DOCK1: variants seen among roughly 807,000 people sequenced by gnomAD.
DOCK1 encodes dedicator of cytokinesis 1.
In DOCK1, 138 loss-of-function variants were observed where a neutral mutation model predicts 262.7. That is an observed-to-expected ratio of 0.53 (90% CI 0.46 to 0.61). The LOEUF (loss-of-function observed/expected upper bound fraction) is 0.61, where lower values mean the gene tolerates loss of function less well. DOCK1 is among the 20% of genes least tolerant of loss of function. DOCK1 has a pLI of 0.00. For missense variants in DOCK1, 1,908 were observed against 2,370.7 expected (o/e 0.80, Z 4.05); for synonymous variants, 866 against 867.4 (o/e 1.00, Z 0.03).
intron 23 of DOCK1, among the ~76,000 whole-genome samples, chr10:127,094,434 C>A (rs1209437766): frequency 6.6e-6 from 1 of 152,102 alleles, no homozygotes; most frequent in Non-Finnish European, 1.5e-5. Flanking sequence ...TTTTGCTCTA[C>A]CCCAAAGCCT....
chr10:126,964,709 G>GT (rs2037528498), intron 1 of DOCK1, among the ~76,000 whole-genome samples: 1 of 152,248 alleles, frequency 6.6e-6, no homozygotes, highest in Non-Finnish European at 1.5e-5. Flanking sequence ...ATTTCAAGGA[G>GT]TAACGTATGG....
At chr10:127,439,287 C>T (rs2069913174) in intron 49 of DOCK1, 62 bp downstream of exon 49, 2 of 1,527,966 alleles carry the variant, frequency 1.3e-6, no homozygotes, top group African/African-American at 1.4e-5. Flanking sequence ...CTTTGCCCCA[C>T]CTGTAGCCAA....
In DOCK1 at chr10:127,025,116, G is replaced by A. The variant is rs372551495; in HGVS notation, c.1551+333G>A. ...CAAAAAAACCGAGCTGCCAGCCTGT[G>A]GAGGTCATTGCTGGGGAGTGGGATC... On this transcript the variant is annotated intron_variant, in intron 15 of 51. Coordinates refer to ENST00000623213, the MANE Select transcript of DOCK1 (RefSeq NM_001290223.2). The A allele has an allele frequency of 2.3e-4, 42 of 179,484 alleles. No individual in the cohort carries two copies. The East Asian group carries it at 4.0e-3, about 17-fold the overall frequency. The allele number at this position is 179,484 out of a possible 1,614,324, so 11.1% of individuals were successfully genotyped here.
At chr10:127,250,083 T>G (rs1590119234) in intron 28 of DOCK1, among the ~76,000 whole-genome samples, 1 of 152,306 alleles carries the variant, frequency 6.6e-6, no homozygotes, top group East Asian at 1.9e-4. Flanking sequence ...GTGTAAAGCA[T>G]AGTTGTAGCT....
chr10:127,259,056 T>C (rs912718025), intron 29 of DOCK1, among the ~76,000 whole-genome samples: 2 of 152,112 alleles, frequency 1.3e-5, no homozygotes, highest in African/African-American at 4.8e-5. Context: ...GAGGGAGTGA[T>C]GTTCACCCCG....
At chr10:127,381,242 A>C in intron 36 of DOCK1, 36 bp from the exon 37 acceptor site, 1 of 1,558,672 alleles carries the variant, frequency 6.4e-7, no homozygotes, top group Non-Finnish European at 8.7e-7. Context: ...TTATTTAGTG[A>C]CATTTTAAGA....
intron 43 of DOCK1, 89 bp downstream of exon 43, chr10:127,411,013 G>C: frequency 7.9e-7 from 1 of 1,269,802 alleles, no homozygotes; most frequent in Non-Finnish European, 1.1e-6. Context: ...TGGCCTCAGA[G>C]GCAGCCACGG....
At chr10:126,936,959 T>G (rs1379417728) in intron 1 of DOCK1, among the ~76,000 whole-genome samples, 1 of 152,120 alleles carries the variant, frequency 6.6e-6, no homozygotes, top group East Asian at 1.9e-4. Context: ...TTCCCCCTCT[T>G]CCTAGCCTCT....
intron 38 of DOCK1, among the ~76,000 whole-genome samples, chr10:127,394,833 C>T (rs77579198): frequency 0.027 from 4,077 of 152,166 alleles, 174 homozygotes; most frequent in African/African-American, 0.093. Context: ...AGGCCCACCT[C>T]GAGGCGATTC....
At chr10:127,237,800 T>C (rs1368865349) in intron 27 of DOCK1, among the ~76,000 whole-genome samples, 2 of 152,234 alleles carry the variant, frequency 1.3e-5, no homozygotes, top group African/African-American at 2.4e-5. Flanking sequence ...CTCCCTTTTA[T>C]AATATTTGTA....
Position 127,447,543 on chromosome 10 carries a change from A to G in DOCK1, c.5563A>G (p.Arg1855Gly), listed in dbSNP as rs778979577. 6.2e-7 allele frequency: 1 copy of G among 1,613,624 alleles called. No homozygotes were observed. The highest frequency in any genetic ancestry group is 2.2e-5 in the East Asian group (1 of 44,854). Residue 1855 changes from arginine to glycine, a missense_variant and splice_region_variant, in exon 51 of 52, where the codon AGG (arginine) becomes GGG (glycine). Physicochemically the swap from Arg to Gly is moderately radical, Grantham distance 125 (BLOSUM62 -2). Around this residue, in one of 9 missense-constraint regions of DOCK1, gnomAD observed 383 missense variants for 420.1 expected, o/e 0.91. Transcript: ENST00000623213. ...PTPPPPPPHQ[R>G]HLPPPLPSKT... is the part of the protein sequence containing the mutation. ...ACCTCCACCTCCCCCTCCACACCAG[A>G]GGGTAAGTCGGCAATCTGAAACACA...
Position 127,428,900 on chromosome 10 carries a change from G to C in DOCK1, c.4914+2889G>C, listed in dbSNP as rs554281463. 3.2e-5 allele frequency among the ~76,000 whole-genome samples: 4 copies of C among 123,524 alleles called. No individual in the cohort carries two copies. In the South Asian group the frequency reaches 1.1e-3, roughly 34 times the overall value. 81.0% of individuals were successfully genotyped at this position (123,524 alleles called of 152,430 possible). On this transcript the variant is annotated intron_variant, in intron 47 of 51. Transcript: ENST00000623213. The stretch of plus-strand genomic sequence containing the variant: ...GCCATGTGGATTGGGGTACCGTGTG[G>C]ATTGAGCCGTGTGGATTGGGGTACC...
intron 29 of DOCK1, among the ~76,000 whole-genome samples, chr10:127,300,023 T>C (rs2061630217): frequency 6.6e-6 from 1 of 152,164 alleles, no homozygotes; most frequent in Non-Finnish European, 1.5e-5. Context: ...AGCCTTCCCA[T>C]GTGAGTTCTG....
At chr10:127,090,574 A>G (rs758809883) in intron 23 of DOCK1, among the ~76,000 whole-genome samples, 2 of 152,036 alleles carry the variant, frequency 1.3e-5, no homozygotes, top group African/African-American at 2.4e-5. Context: ...CATGGGGTAC[A>G]TTTACAGTAC....
chr10:127,164,201 T>G (rs1321831660), intron 27 of DOCK1, among the ~76,000 whole-genome samples: 2 of 80,886 alleles, frequency 2.5e-5, no homozygotes, highest in Non-Finnish European at 4.4e-5. Flanking sequence ...TTTTTTTTTT[T>G]GAGACAGAGT....
Position 127,444,152 on chromosome 10 carries a change from G to C in DOCK1, c.5286G>C (p.Pro1762=), listed in dbSNP as rs35124691. The C allele has an allele frequency of 3.2e-6, 5 of 1,578,936 alleles. No homozygotes were observed. The African/African-American group carries it at 6.8e-5, about 21-fold the overall frequency. ...ETISPLRPQR[P]KSQVMNVIGS... ...TAAGTCCCCTGCGGCCCCAGAGACCGAAGAGCCAGGTGATGAACGTCATTG... is the reference window on the plus strand; with the variant it reads ...TAAGTCCCCTGCGGCCCCAGAGACCCAAGAGCCAGGTGATGAACGTCATTG... Residue 1762 remains proline, a synonymous_variant, in exon 50 of 52, where the codon CCG becomes CCC. Coordinates refer to ENST00000623213, the MANE Select transcript of DOCK1 (RefSeq NM_001290223.2).
intron 23 of DOCK1, among the ~76,000 whole-genome samples, chr10:127,090,463 C>T (rs2047451533): frequency 6.8e-6 from 1 of 147,934 alleles, no homozygotes. Flanking sequence ...GAGAATGGGA[C>T]TTTTTTTTTT....
At chr10:127,406,957 T>C (rs1043781642) in intron 40 of DOCK1, among the ~76,000 whole-genome samples, 7 of 152,242 alleles carry the variant, frequency 4.6e-5, no homozygotes, top group East Asian at 1.9e-4. Flanking sequence ...TGGCTTTATA[T>C]AGAAGCCTTA....
intron 24 of DOCK1, among the ~76,000 whole-genome samples, 171 bp from the exon 25 acceptor site, chr10:127,110,062 GAAAACGAACACTTTC>G: frequency 6.6e-6 from 1 of 152,228 alleles, no homozygotes; most frequent in South Asian, 2.1e-4. Flanking sequence ...ATTGTGAAGT[GAAAACGAACACTTTC>G]AAAACATCAT....
Sources: allele counts gnomAD v4.1 joint callset (sites outside exome capture counted in the v4.1 genomes callset), GRCh38; gene constraint gnomAD v4.1.1; regional missense constraint gnomAD v4.1.1; transcripts MANE v1.5; gene names NCBI Gene and HGNC (gene_info 2026-07-23, HGNC 2026-07-21).